The following WIPF1 variants were observed in gnomAD, a reference collection of about 807,000 sequenced individuals.
The protein encoded by WIPF1 is WAS/WASL interacting protein family member 1.
WIPF1 carries 13 observed loss-of-function variants against 35.4 expected under a neutral mutation model. The observed-to-expected ratio is 0.37, with a 90% CI of 0.24 to 0.58. WIPF1 has a LOEUF of 0.58. Among genes scored for constraint, WIPF1 ranks in the 20% least tolerant of loss-of-function variants. WIPF1 has a pLI of 0.74. For missense variants in WIPF1, 591 were observed against 667.0 expected (o/e 0.89, Z 1.25); for synonymous variants, 267 against 266.3 (o/e 1.00, Z -0.02).
At chr2:174,570,052 T>G (rs1034265824) in intron 5 of WIPF1, among the ~76,000 whole-genome samples, 4 of 152,192 alleles carry the variant, frequency 2.6e-5, no homozygotes, top group African/African-American at 9.7e-5. Context: ...AATACAGAGA[T>G]GTGTACACAT....
chr2:174,671,752 G>A (rs906430873), intron 1 of WIPF1, among the ~76,000 whole-genome samples: 5 of 152,240 alleles, frequency 3.3e-5, no homozygotes, highest in Middle Eastern at 3.4e-3. Context: ...CTATTAGGAC[G>A]AGGAAATTCC....
Position 174,567,889 on chromosome 2 carries a change from T to C in WIPF1, c.1314A>G (p.Arg438=), listed in dbSNP as rs1463501006. The change falls in exon 6 of 8, where the codon AGA becomes AGG. Residue 438 remains arginine, a synonymous_variant. Transcript: ENST00000679041. ...PPPPPPSTSI[R]NGFQDSPCED... is the part of the protein sequence containing the mutation. ...CACATGGAGAGTCTTGGAAGCCATT[T>C]CTAATAGATGTTGATGGTGGAGGTG... The C allele has an allele frequency of 1.2e-6, 2 of 1,607,028 alleles. No homozygotes were observed. The highest frequency in any genetic ancestry group is 2.7e-5 in the African/African-American group (2 of 74,784).
At chr2:174,626,042 A>G (rs1686823083) in intron 1 of WIPF1, 2 of 152,246 alleles carry the variant, frequency 1.3e-5, no homozygotes, top group African/African-American at 4.8e-5. Flanking sequence ...AGCAATTTCA[A>G]TTATATTTAA....
chr2:174,672,577 T>C (rs756169391), intron 1 of WIPF1, among the ~76,000 whole-genome samples: 1 of 152,252 alleles, frequency 6.6e-6, no homozygotes, highest in Non-Finnish European at 1.5e-5. Context: ...CCTTATTAAA[T>C]ACTTAGTCAA....
At chr2:174,634,373 T>C (rs1332783905) in intron 1 of WIPF1, 1 of 152,242 alleles carries the variant, frequency 6.6e-6, no homozygotes, top group East Asian at 1.9e-4. Context: ...CAACGTGCAG[T>C]TAACAGCTGT....
intron 1 of WIPF1, among the ~76,000 whole-genome samples, chr2:174,592,275 C>G (rs918452413): frequency 6.6e-6 from 1 of 152,144 alleles, no homozygotes; most frequent in African/African-American, 2.4e-5. Flanking sequence ...CTCCAAAGGC[C>G]GGTCTCTAAT....
chr2:174,609,951 T>C (rs908410041), intron 1 of WIPF1, among the ~76,000 whole-genome samples: 17 of 152,220 alleles, frequency 1.1e-4, no homozygotes, highest in Non-Finnish European at 2.1e-4. Flanking sequence ...TTTCTCCTGT[T>C]TCTCAGCAGA....
intron 1 of WIPF1, among the ~76,000 whole-genome samples, chr2:174,603,204 G>A (rs1379777127): frequency 6.6e-6 from 1 of 152,200 alleles, no homozygotes; most frequent in African/African-American, 2.4e-5. Flanking sequence ...AAGTGCTGGT[G>A]TTGTTGGTTG....
intron 1 of WIPF1, among the ~76,000 whole-genome samples, chr2:174,649,358 A>G (rs563196762): frequency 1.3e-5 from 2 of 152,174 alleles, no homozygotes; most frequent in South Asian, 4.1e-4. Context: ...ACTTTCAGAG[A>G]TAACAAGGGT....
At position 174,572,359 on chromosome 2, in the gene WIPF1, C is replaced by G. The variant is rs772338075; in HGVS notation, c.446G>C (p.Arg149Thr). The G allele has an allele frequency of 6.2e-7, 1 of 1,614,156 alleles. No individual in the cohort carries two copies. Among genetic ancestry groups the G allele is most frequent in the Non-Finnish European group, 8.5e-7 (1 of 1,180,018 alleles). The change falls in exon 5 of 8, where the codon AGG becomes ACG. Residue 149 changes from arginine (R) to threonine (T), a missense_variant. Arg to Thr is a moderately conservative substitution (Grantham distance 71). This residue lies in a region of WIPF1 where 471 missense variants were observed against 501.1 expected (regional missense o/e 0.94). Coordinates refer to ENST00000679041, the MANE Select transcript of WIPF1 (RefSeq NM_001375834.1). ...GTGGCCTGGAGAAGGCACAGGAAAC[C>G]TCCCTGGGCCACTTGGGGGTGAAAA... Reference protein sequence around the residue: ...KPFSPPSGPGRFPVPSPGHRS... With the variant: ...KPFSPPSGPGTFPVPSPGHRS...
intron 1 of WIPF1, among the ~76,000 whole-genome samples, chr2:174,643,168 C>T (rs1687335486): frequency 6.7e-6 from 1 of 149,064 alleles, no homozygotes; most frequent in South Asian, 2.1e-4. Flanking sequence ...AATTGGACAT[C>T]TTCTTTGTGG....
chr2:174,649,973 C>T (rs542435363), intron 1 of WIPF1, among the ~76,000 whole-genome samples: 2 of 152,286 alleles, frequency 1.3e-5, no homozygotes, highest in South Asian at 4.2e-4. Flanking sequence ...GATCTTAAGG[C>T]TAAATAAATT....
chr2:174,638,225 G>A (rs999199645), intron 1 of WIPF1, among the ~76,000 whole-genome samples: 27 of 152,036 alleles, frequency 1.8e-4, no homozygotes, highest in African/African-American at 6.3e-4. Flanking sequence ...GATAAATACA[G>A]ATATTGATAT....
intron 1 of WIPF1, among the ~76,000 whole-genome samples, chr2:174,661,666 C>A (rs1687761546): frequency 6.6e-6 from 1 of 152,174 alleles, no homozygotes; most frequent in Non-Finnish European, 1.5e-5. Context: ...CTGTTTGTTT[C>A]CTGTGTGTTT....
chr2:174,567,755 T>A (rs1022616082), intron 6 of WIPF1, 106 bp downstream of exon 6: 33 of 1,268,774 alleles, frequency 2.6e-5, no homozygotes, highest in Non-Finnish European at 3.5e-5. Flanking sequence ...TGGAGTGTGA[T>A]AATGATGGAA....
chr2:174,576,230 C>CAAAAAAAAAAAAAAAAAAAAAAAAAA (rs66562213), intron 3 of WIPF1, among the ~76,000 whole-genome samples: 4 of 98,936 alleles, frequency 4.0e-5, no homozygotes, highest in African/African-American at 1.7e-4. Context: ...TGCACTCCAG[C>CAAAAAAAAAAAAAAAAAAAAAAAAAA]AAAAAAAAAA....
chr2:174,650,552 A>C (rs1215757942), intron 1 of WIPF1, among the ~76,000 whole-genome samples: 2 of 151,944 alleles, frequency 1.3e-5, no homozygotes, highest in African/African-American at 2.4e-5. Flanking sequence ...TGGACCTTCT[A>C]CTTTCACTGA....
At chr2:174,575,477 C>G (rs1685027445) in intron 3 of WIPF1, 97 bp from the exon 4 acceptor site, 1 of 1,447,936 alleles carries the variant, frequency 6.9e-7, no homozygotes, top group African/African-American at 1.4e-5. Context: ...GGCTCTCGGC[C>G]TCCAGTGGAC....
Position 174,572,254 on chromosome 2 carries a change from G to T in WIPF1, c.551C>A (p.Pro184His), listed in dbSNP as rs752786667. ...TCTTGGAGTACTAGGTACTGGAGGA[G>T]GAATGCTATCAGGCTTTGAGCCCAC... The part of the protein sequence containing the change: ...PDVGSKPDSI[P>H]PPVPSTPRPI... The change falls in exon 5 of 8, where the codon CCT (proline) becomes CAT (histidine). Residue 184 changes from proline (P) to histidine (H), a missense_variant. By Grantham distance (77) the Pro-to-His change is moderately conservative. Around this residue, in one of 3 missense-constraint regions of WIPF1, gnomAD observed 471 missense variants for 501.1 expected, o/e 0.94. Transcript: ENST00000679041. 4 of 1,614,222 alleles carry T rather than the reference G, an allele frequency of 2.5e-6. No homozygotes were observed. The highest frequency in any genetic ancestry group is 3.4e-6 in the Non-Finnish European group (4 of 1,180,030).
Sources: allele counts gnomAD v4.1 joint callset (sites outside exome capture counted in the v4.1 genomes callset), GRCh38; gene constraint gnomAD v4.1.1; regional missense constraint gnomAD v4.1.1; transcripts MANE v1.5; gene names NCBI Gene and HGNC (gene_info 2026-07-23, HGNC 2026-07-21).